The following SIDT1 variants were observed in gnomAD, a reference collection of about 807,000 sequenced individuals.
The protein encoded by SIDT1 is SID1 transmembrane family member 1.
SIDT1 carries 101 observed loss-of-function variants against 107.5 expected under a neutral mutation model. That is an observed-to-expected ratio of 0.94 (90% CI 0.80 to 1.11). The LOEUF is 1.11. SIDT1 is among the 50% of genes least tolerant of loss of function. SIDT1 has a pLI of 0.00. For synonymous variants in SIDT1, 395 were observed against 398.2 expected, an observed-to-expected ratio of 0.99 and a Z score of 0.10; for missense variants, 1,076 against 1,058.2, an observed-to-expected ratio of 1.02 and a Z score of -0.23.
At chr3:113,577,584 T>C (rs1943002964) in intron 4 of SIDT1, among the ~76,000 whole-genome samples, 1 of 152,206 alleles carries the variant, frequency 6.6e-6, no homozygotes, top group East Asian at 1.9e-4. Context: ...ACATGAAAAC[T>C]TGGATTAAGT....
intron 1 of SIDT1, among the ~76,000 whole-genome samples, chr3:113,545,928 G>A (rs1939533716): frequency 6.6e-6 from 1 of 152,168 alleles, no homozygotes; most frequent in African/African-American, 2.4e-5. Flanking sequence ...GATAAACTTT[G>A]CATTATTTCT....
chr3:113,557,712 A>T (rs1941028614), intron 1 of SIDT1, among the ~76,000 whole-genome samples: 1 of 152,230 alleles, frequency 6.6e-6, no homozygotes, highest in African/African-American at 2.4e-5. Context: ...CCAGACTTCT[A>T]GTCTGAAGAA....
chr3:113,568,315 G>T (rs762863536), intron 3 of SIDT1, among the ~76,000 whole-genome samples: 9 of 152,062 alleles, frequency 5.9e-5, no homozygotes, highest in Non-Finnish European at 8.8e-5. Context: ...GTAAATTAAG[G>T]CCGGGTGTGG....
chr3:113,610,219 G>A (rs1408958476), intron 17 of SIDT1, among the ~76,000 whole-genome samples: 3 of 152,140 alleles, frequency 2.0e-5, no homozygotes, highest in Non-Finnish European at 2.9e-5. Context: ...CCTTCTATAT[G>A]TCTCTTTGTA....
intron 3 of SIDT1, among the ~76,000 whole-genome samples, chr3:113,570,653 C>T (rs1942366545): frequency 6.6e-6 from 1 of 152,206 alleles, no homozygotes; most frequent in Non-Finnish European, 1.5e-5. Context: ...TATTTACACA[C>T]CAGCCTTGCT....
At chr3:113,575,394 C>T (rs910064054) in intron 3 of SIDT1, among the ~76,000 whole-genome samples, 1 of 152,230 alleles carries the variant, frequency 6.6e-6, no homozygotes, top group Non-Finnish European at 1.5e-5. Context: ...CACCGGGAGA[C>T]ACTCCCAGAC....
chr3:113,603,920 T>G, intron 12 of SIDT1, 40 bp from the exon 13 acceptor site: 1 of 1,396,980 alleles, frequency 7.2e-7, no homozygotes. Flanking sequence ...CATAAAGAGC[T>G]GAGTACAGTT....
At chr3:113,603,517 A>G (rs41271367) in intron 12 of SIDT1, among the ~76,000 whole-genome samples, 37,152 of 152,020 alleles carry the variant, frequency 0.24, 4,980 homozygotes, top group African/African-American at 0.35. Flanking sequence ...AAGGAAAGCT[A>G]ATTTGTTTCT....
chr3:113,567,210 G>C (rs3773694), intron 2 of SIDT1, among the ~76,000 whole-genome samples: 1,958 of 152,276 alleles, frequency 0.013, 19 homozygotes, highest in South Asian at 0.052. Context: ...AATGGAATCA[G>C]CTGGTTGTTT....
At chr3:113,599,254 T>A (rs1277161789) in intron 10 of SIDT1, among the ~76,000 whole-genome samples, 1 of 152,166 alleles carries the variant, frequency 6.6e-6, no homozygotes, top group Non-Finnish European at 1.5e-5. Flanking sequence ...TCCATGAGAC[T>A]CCCTGCAATA....
intron 1 of SIDT1, among the ~76,000 whole-genome samples, chr3:113,559,346 G>A (rs1241492279): frequency 6.6e-6 from 1 of 152,060 alleles, no homozygotes; most frequent in Non-Finnish European, 1.5e-5. Context: ...TGCAAACATG[G>A]TATTGTCAAT....
At chr3:113,630,416 G>A (rs561238144), downstream of SIDT1, among the ~76,000 whole-genome samples, 30 of 152,134 alleles carry the variant, frequency 2.0e-4, no homozygotes, top group Non-Finnish European at 3.8e-4. Context: ...ACTCTATCTG[G>A]GGAAGGGACT....
intron 20 of SIDT1, among the ~76,000 whole-genome samples, chr3:113,617,504 C>T (rs1372444631): frequency 6.6e-6 from 1 of 152,124 alleles, no homozygotes; most frequent in African/African-American, 2.4e-5. Context: ...CAAGTACCTG[C>T]TAATCCTTTA....
intron 19 of SIDT1, among the ~76,000 whole-genome samples, chr3:113,612,898 T>C (rs1945850547): frequency 6.6e-6 from 1 of 152,196 alleles, no homozygotes; most frequent in South Asian, 2.1e-4. Flanking sequence ...ACTTCTGATA[T>C]TAACAAAGCC....
At chr3:113,618,417 T>C (rs1946247211) in intron 20 of SIDT1, among the ~76,000 whole-genome samples, 2 of 152,212 alleles carry the variant, frequency 1.3e-5, no homozygotes, top group African/African-American at 4.8e-5. Context: ...GGACGTAAGT[T>C]TTCAACTCCT....
chr3:113,584,602 C>A, intron 7 of SIDT1, 96 bp from the exon 8 acceptor site: 1 of 784,338 alleles, frequency 1.3e-6, no homozygotes, highest in South Asian at 1.6e-5. Context: ...AGAATTAATT[C>A]TGGACATTTT....
chr3:113,636,389 C>T, the SIDT1 span, among the ~76,000 whole-genome samples: 3 of 151,928 alleles, frequency 2.0e-5, no homozygotes, highest in South Asian at 2.1e-4. Flanking sequence ...GACAATAGAG[C>T]GAGACTCTGT....
intron 1 of SIDT1, 120 bp downstream of exon 1, chr3:113,533,363 T>C: frequency 1.3e-6 from 1 of 761,554 alleles, no homozygotes; most frequent in Non-Finnish European, 1.9e-6. Flanking sequence ...GGGACTTTCT[T>C]TCCCTTTCTC....
chr3:113,608,039 TC>T, intron 15 of SIDT1, 54 bp from the exon 16 acceptor site: 1 of 1,488,408 alleles, frequency 6.7e-7, no homozygotes, highest in Non-Finnish European at 9.0e-7. Context: ...TCATGTATTC[TC>T]TGGGTCCCTT....
Sources: gnomAD v4.1 joint callset for allele counts (sites outside exome capture counted in the v4.1 genomes callset) on GRCh38, gnomAD v4.1.1 for gene constraint, MANE v1.5 for transcripts, NCBI Gene and HGNC (gene_info 2026-07-23, HGNC 2026-07-21) for gene names.